Variants in ABCA9 observed in about 807,000 individuals in gnomAD.
ABCA9 encodes the protein ATP-binding cassette sub-family A member 9.
A neutral mutation model predicts 205.3 loss-of-function variants in ABCA9; 183 were observed. The ratio of observed to expected loss-of-function variants is 0.89; its 90% CI spans 0.79 to 1.01. The LOEUF is 1.01. ABCA9 is among the 50% of genes least tolerant of loss of function. The pLI is 0.00. For missense variants in ABCA9, 1,805 were observed against 1,912.4 expected (o/e 0.94, Z 1.05); for synonymous variants, 651 against 683.3 (o/e 0.95, Z 0.74).
intron 26 of ABCA9, among the ~76,000 whole-genome samples, 199 bp from the exon 27 acceptor site, chr17:68,993,283 C>A (rs1259073808): frequency 6.6e-6 from 1 of 152,190 alleles, no homozygotes; most frequent in African/African-American, 2.4e-5. Context: ...GGCCGGGATG[C>A]CTTTGTATGT....
chr17:68,990,586 T>C (rs752400053), intron 29 of ABCA9, among the ~76,000 whole-genome samples: 1 of 152,156 alleles, frequency 6.6e-6, no homozygotes, highest in Non-Finnish European at 1.5e-5. Context: ...GGGATCTTAC[T>C]TGTTGCCCAG....
At chr17:69,049,751 G>A (rs1178608579) in intron 2 of ABCA9, among the ~76,000 whole-genome samples, 1 of 152,080 alleles carries the variant, frequency 6.6e-6, no homozygotes, top group Admixed American at 6.6e-5. Context: ...TAGTGCAAGT[G>A]ATAAAGCCTG....
At chr17:69,017,541 G>C in intron 21 of ABCA9, 115 bp downstream of exon 21, 1 of 1,157,942 alleles carries the variant, frequency 8.6e-7, no homozygotes, top group Non-Finnish European at 1.2e-6. Flanking sequence ...ATAAAAATGA[G>C]AACTATCCCA....
upstream of ABCA9, among the ~76,000 whole-genome samples, chr17:69,063,280 C>G (rs2072300996): frequency 6.6e-6 from 1 of 152,206 alleles, no homozygotes; most frequent in African/African-American, 2.4e-5. Context: ...GTGCCAGAAA[C>G]CTTATAAATT....
At chr17:69,063,973 C>G (rs1391817592), upstream of ABCA9, among the ~76,000 whole-genome samples, 1 of 152,240 alleles carries the variant, frequency 6.6e-6, no homozygotes, top group East Asian at 1.9e-4. Flanking sequence ...CCTCCACTTT[C>G]ATTTGCAATT....
intron 25 of ABCA9, among the ~76,000 whole-genome samples, chr17:69,004,532 A>G (rs1171700125): frequency 6.6e-6 from 1 of 152,252 alleles, no homozygotes; most frequent in Non-Finnish European, 1.5e-5. Flanking sequence ...AGACAGGGAC[A>G]TTTAAGTCTG....
At chr17:68,990,078 T>C (rs1017904420) in intron 29 of ABCA9, 148 bp from the exon 30 acceptor site, 1 of 670,366 alleles carries the variant, frequency 1.5e-6, no homozygotes, top group Non-Finnish European at 2.7e-6. Flanking sequence ...AAGTGAACTC[T>C]TACAGTCTAC....
At chr17:69,013,842 G>A (rs538002007) in intron 22 of ABCA9, among the ~76,000 whole-genome samples, 2 of 151,978 alleles carry the variant, frequency 1.3e-5, no homozygotes, top group Non-Finnish European at 2.9e-5. Context: ...CTTTACTTTA[G>A]GATCAAGTGG....
chr17:68,991,058 T>C (rs2069435689), intron 28 of ABCA9, 101 bp from the exon 29 acceptor site: 5 of 1,362,544 alleles, frequency 3.7e-6, no homozygotes, highest in Non-Finnish European at 4.0e-6. Context: ...AGTAGATTCA[T>C]TCAGAGCACA....
intron 25 of ABCA9, among the ~76,000 whole-genome samples, chr17:69,006,872 G>T (rs2070155406): frequency 6.6e-6 from 1 of 152,160 alleles, no homozygotes; most frequent in Non-Finnish European, 1.5e-5. Flanking sequence ...GTTCACAGGA[G>T]GCAAGAGTAG....
At chr17:69,017,909 TA>T in intron 20 of ABCA9, 120 bp from the exon 21 acceptor site, 1 of 1,125,174 alleles carries the variant, frequency 8.9e-7, no homozygotes, top group Non-Finnish European at 1.3e-6. Context: ...AGGCTTTTCT[TA>T]AAAAAGCAGA....
Position 69,045,210 on chromosome 17 carries a change from T to C in ABCA9, c.431A>G (p.His144Arg), listed in dbSNP as rs1473714554. 1 of 1,613,172 alleles carries C rather than the reference T, an allele frequency of 6.2e-7. No individual in the cohort carries two copies. The highest frequency in any genetic ancestry group is 1.1e-5 in the South Asian group (1 of 91,038). ...GTGCTCTTTCATCATGGGGATTCTA[T>C]GTCCCCAAGAAAACTTCAAATGGTA... ...FSYHLKFSWGHRIPMMKEHRD... is the reference protein window; with the variant it reads ...FSYHLKFSWGRRIPMMKEHRD... The change falls in exon 4 of 39, where the codon CAT becomes CGT. Residue 144 changes from histidine (H) to arginine (R), a missense_variant. Physicochemically the swap from His to Arg is conservative, Grantham distance 29. Transcript: ENST00000340001.
intron 20 of ABCA9, 54 bp from the exon 21 acceptor site, chr17:69,017,843 G>A: frequency 4.5e-6 from 7 of 1,570,438 alleles, no homozygotes; most frequent in East Asian, 2.2e-5. Flanking sequence ...CAATAGTCAA[G>A]TAATATTAAA....
At chr17:69,046,994 C>G (rs990076330) in intron 3 of ABCA9, among the ~76,000 whole-genome samples, 5 of 149,556 alleles carry the variant, frequency 3.3e-5, no homozygotes, top group East Asian at 3.9e-4. Context: ...TGGACTTTCA[C>G]TCTGTCACTG....
chr17:69,076,693 G>T, the ABCA9 span, among the ~76,000 whole-genome samples: 1 of 152,060 alleles, frequency 6.6e-6, no homozygotes, highest in Non-Finnish European at 1.5e-5. Flanking sequence ...TCTGGAACTT[G>T]GTATTGGTCT....
intron 30 of ABCA9, among the ~76,000 whole-genome samples, 177 bp from the exon 31 acceptor site, chr17:68,989,295 C>T (rs189693778): frequency 1.3e-5 from 2 of 150,792 alleles, no homozygotes; most frequent in East Asian, 3.9e-4. Flanking sequence ...CACACACACA[C>T]CCCTGAGCAT....
intron 15 of ABCA9, 146 bp from the exon 16 acceptor site, chr17:69,026,613 T>G (rs887319903): frequency 2.8e-6 from 2 of 713,166 alleles, no homozygotes; most frequent in South Asian, 2.0e-5. Flanking sequence ...AAACCACTTT[T>G]TTTTGTCATC....
In ABCA9 at chr17:69,035,828, A is replaced by G. The variant is rs1427267174; in HGVS notation, c.801-27T>C. 4.4e-6 allele frequency: 7 copies of G among 1,597,746 alleles called. No homozygotes were observed. The African/African-American group carries it at 8.1e-5, about 18-fold the overall frequency. On this transcript the variant is annotated intron_variant, in intron 6 of 38. Coordinates refer to ENST00000340001, the MANE Select transcript of ABCA9 (RefSeq NM_080283.4). ...TAGCAGAGAAACAAAGCCGTCAGTT[A>G]GAATGTTGTTACTTCATCACTTCCT...
intron 16 of ABCA9, among the ~76,000 whole-genome samples, chr17:69,025,123 T>C (rs547911651): frequency 6.6e-6 from 1 of 152,256 alleles, no homozygotes; most frequent in South Asian, 2.1e-4. Flanking sequence ...TAAAGAAGCT[T>C]CCAACATAAA....
Sources: allele counts gnomAD v4.1 joint callset (sites outside exome capture counted in the v4.1 genomes callset), GRCh38; gene constraint gnomAD v4.1.1; transcripts MANE v1.5; gene names NCBI Gene and HGNC (gene_info 2026-07-23, HGNC 2026-07-21).